The following SMAP1 variants were observed in gnomAD, a reference collection of about 807,000 sequenced individuals.
SMAP1 encodes small ArfGAP 1.
A neutral mutation model predicts 58.5 loss-of-function variants in SMAP1; 24 were observed. The observed-to-expected ratio is 0.41, with a 90% confidence interval of 0.30 to 0.58. The LOEUF (loss-of-function observed/expected upper bound fraction) is 0.58. Among genes scored for constraint, SMAP1 ranks in the 20% least tolerant of loss-of-function variants. SMAP1 has a pLI of 0.29. For missense variants in SMAP1, 563 were observed against 566.3 expected (o/e 0.99, Z 0.06); for synonymous variants, 216 against 196.6 (o/e 1.10, Z -0.82).
At chr6:70,692,860 T>G (rs1767231320) in intron 1 of SMAP1, among the ~76,000 whole-genome samples, 1 of 152,192 alleles carries the variant, frequency 6.6e-6, no homozygotes. Flanking sequence ...CTTGGCTCAC[T>G]GCAATCTCCG....
intron 1 of SMAP1, among the ~76,000 whole-genome samples, chr6:70,675,560 A>T (rs1352866405): frequency 1.3e-5 from 2 of 151,904 alleles, no homozygotes; most frequent in Non-Finnish European, 2.9e-5. Context: ...CTGAGACAGG[A>T]GAATCACTTG....
intron 6 of SMAP1, 131 bp from the exon 7 acceptor site, chr6:70,836,810 C>A: frequency 1.4e-6 from 1 of 710,100 alleles, no homozygotes. Context: ...AAATAATATT[C>A]TAGGTTTTAT....
chr6:70,732,238 T>A, intron 1 of SMAP1, 140 bp from the exon 2 acceptor site: 4 of 808,208 alleles, frequency 4.9e-6, no homozygotes, highest in Non-Finnish European at 7.3e-6. Context: ...CTGCCGCCAG[T>A]ACCATTTGAA....
intron 6 of SMAP1, among the ~76,000 whole-genome samples, chr6:70,814,449 G>GT (rs1769529221): frequency 6.6e-6 from 1 of 152,040 alleles, no homozygotes; most frequent in Middle Eastern, 3.2e-3. Flanking sequence ...TGCAGCCCTG[G>GT]TTTTTTTCCC....
At position 70,689,165 on chromosome 6, in the gene SMAP1, C is replaced by G. The variant is rs576347688; in HGVS notation, c.118+21024C>G. ...CTGGGATTACAGGTGTGCGCCACCA[C>G]GCCTGGCTAATTTTTGTAGTTTTAG... On this transcript the variant is annotated intron_variant, in intron 1 of 10. Coordinates refer to ENST00000370455, the MANE Select transcript of SMAP1 (RefSeq NM_001044305.3). 6.6e-5 allele frequency among the ~76,000 whole-genome samples: 10 copies of G among 152,100 alleles called. No homozygotes were observed. In the South Asian group the frequency reaches 2.1e-3, roughly 32 times the overall value.
At chr6:70,753,117 A>C (rs1400035677) in intron 2 of SMAP1, among the ~76,000 whole-genome samples, 1 of 152,050 alleles carries the variant, frequency 6.6e-6, no homozygotes, top group Non-Finnish European at 1.5e-5. Flanking sequence ...TAGTCATTGA[A>C]TATAAGATAC....
intron 1 of SMAP1, among the ~76,000 whole-genome samples, chr6:70,713,124 T>C (rs896348146): frequency 1.3e-5 from 2 of 152,172 alleles, no homozygotes; most frequent in Non-Finnish European, 2.9e-5. Context: ...AGACATCCTT[T>C]GTAATGCTTC....
intron 4 of SMAP1, among the ~76,000 whole-genome samples, chr6:70,782,384 AC>A (rs1767798577): frequency 6.6e-6 from 1 of 152,138 alleles, no homozygotes; most frequent in South Asian, 2.1e-4. Context: ...ATTTATTGAG[AC>A]CTGTTGAATG....
intron 3 of SMAP1, among the ~76,000 whole-genome samples, chr6:70,758,943 A>G (rs569408733): frequency 6.6e-6 from 1 of 152,238 alleles, no homozygotes; most frequent in East Asian, 1.9e-4. Flanking sequence ...CTTCTGTTAC[A>G]CATATACATG....
At chr6:70,786,996 G>A (rs112225807) in intron 4 of SMAP1, among the ~76,000 whole-genome samples, 76,987 of 151,154 alleles carry the variant, frequency 0.51, 19,926 homozygotes, top group African/African-American at 0.57. Context: ...CGCCAAGTCA[G>A]TCCTAAGCCA....
At chr6:70,711,770 C>T (rs1323266900) in intron 1 of SMAP1, among the ~76,000 whole-genome samples, 1 of 152,134 alleles carries the variant, frequency 6.6e-6, no homozygotes, top group Admixed American at 6.5e-5. Flanking sequence ...TCAGGTGATC[C>T]ACCTGCCTCG....
intron 1 of SMAP1, among the ~76,000 whole-genome samples, chr6:70,727,447 G>T (rs781409300): frequency 7.9e-5 from 12 of 152,072 alleles, no homozygotes; most frequent in Non-Finnish European, 1.3e-4. Context: ...TCTCTACAAA[G>T]CCTCCATTAA....
intron 1 of SMAP1, among the ~76,000 whole-genome samples, chr6:70,683,943 C>T (rs1766828217): frequency 6.6e-6 from 1 of 152,184 alleles, no homozygotes; most frequent in Non-Finnish European, 1.5e-5. Flanking sequence ...TACCCTTGAC[C>T]TTCACAAAAG....
chr6:70,781,900 C>T lies in SMAP1; in HGVS notation c.414+8475C>T, dbSNP rs536566189. On this transcript the variant is annotated intron_variant, in intron 4 of 10. Transcript: ENST00000370455. ...GTGTTCTGGGAGTTTTTTCACATAT[C>T]GGTTACTTTGATGGTGGCCTAGAGA... Among the ~76,000 whole-genome samples the T allele has an allele frequency of 8.3e-4, 126 of 152,052 alleles. 1 individual carries two copies. Among genetic ancestry groups the T allele is most frequent in the Non-Finnish European group, 1.4e-3 (98 of 68,014 alleles).
chr6:70,856,731 G>A, intron 8 of SMAP1, 128 bp from the exon 9 acceptor site: 1 of 885,794 alleles, frequency 1.1e-6, no homozygotes, highest in Non-Finnish European at 1.7e-6. Flanking sequence ...CCTCTTGAAT[G>A]GCACCATTTT....
At chr6:70,724,148 TTTG>T (rs920245005) in intron 1 of SMAP1, among the ~76,000 whole-genome samples, 8 of 151,278 alleles carry the variant, frequency 5.3e-5, no homozygotes, top group Admixed American at 1.3e-4. Context: ...AGGTTTTTTT[TTTG>T]TTGTTGTTGT....
intron 1 of SMAP1, among the ~76,000 whole-genome samples, chr6:70,696,781 A>T (rs749610000): frequency 3.3e-5 from 5 of 152,224 alleles, no homozygotes; most frequent in Non-Finnish European, 5.9e-5. Flanking sequence ...GTTCAGATTA[A>T]GTCCAATGTT....
chr6:70,674,683 A>T (rs1766404535), intron 1 of SMAP1, among the ~76,000 whole-genome samples: 1 of 152,216 alleles, frequency 6.6e-6, no homozygotes, highest in African/African-American at 2.4e-5. Flanking sequence ...GTGTTAAAAA[A>T]GTTTTGGATG....
At chr6:70,762,105 A>G (rs1426415687) in intron 3 of SMAP1, among the ~76,000 whole-genome samples, 3 of 152,100 alleles carry the variant, frequency 2.0e-5, no homozygotes, top group Admixed American at 6.6e-5. Context: ...ACTATGGTAA[A>G]AATTTCCTTC....
Sources: gnomAD v4.1 joint callset for allele counts (sites outside exome capture counted in the v4.1 genomes callset) on GRCh38, gnomAD v4.1.1 for gene constraint, MANE v1.5 for transcripts, NCBI Gene and HGNC (gene_info 2026-07-23, HGNC 2026-07-21) for gene names.